PLD2: variants seen among roughly 807,000 people sequenced by gnomAD.
PLD2 encodes phospholipase D2, also known as choline phosphatase 2.
A neutral mutation model predicts 119.8 loss-of-function variants in PLD2; 101 were observed. That is an observed-to-expected ratio of 0.84 (90% CI 0.72 to 0.99). The LOEUF (loss-of-function observed/expected upper bound fraction) is 0.99. Among genes scored for constraint, PLD2 ranks in the 50% least tolerant of loss-of-function variants. PLD2 has a pLI of 0.00. For synonymous variants in PLD2, 494 were observed against 482.8 expected, an observed-to-expected ratio of 1.02 and a Z score of -0.30; for missense variants, 1,164 against 1,226.8, an observed-to-expected ratio of 0.95 and a Z score of 0.76.
chr17:4,817,141 G>A lies in PLD2; in HGVS notation c.1702-5G>A, dbSNP rs757812442. 97 of 1,610,552 alleles carry A rather than the reference G, an allele frequency of 6.0e-5. No homozygotes were observed. In the East Asian group the frequency reaches 9.1e-4, roughly 15 times the overall value. ...CCTGCTGACTCTGCCATCCCTCCAC[G>A]TCAGACCACCAAGGCCAAGTACAAG... On this transcript the variant is annotated splice_region_variant and splice_polypyrimidine_tract_variant and intron_variant, in intron 16 of 24. Coordinates refer to ENST00000263088, the MANE Select transcript of PLD2 (RefSeq NM_002663.5).
In PLD2 at chr17:4,818,117, G is replaced by A. The variant is rs1907221536; in HGVS notation, c.1920+11G>A. On this transcript the variant is annotated intron_variant, in intron 18 of 24. Transcript: ENST00000263088. Reference sequence around the variant, plus strand: ...TTCCTCTACATTGAGGTCTGACTGGGAGGAGGTGGGGGAGAGCATGGAAGG... The same window carrying A: ...TTCCTCTACATTGAGGTCTGACTGGAAGGAGGTGGGGGAGAGCATGGAAGG... 1 of 1,594,984 alleles carries A rather than the reference G, an allele frequency of 6.3e-7. No individual in the cohort carries two copies. Among genetic ancestry groups the A allele is most frequent in the African/African-American group, 1.3e-5 (1 of 74,524 alleles).
Position 4,808,390 on chromosome 17 carries a change from C to G in PLD2, c.357C>G (p.Val119=). Residue 119 remains valine (V), a synonymous_variant, in exon 4 of 25, where the codon GTC becomes GTG. Coordinates refer to ENST00000263088, the MANE Select transcript of PLD2 (RefSeq NM_002663.5). This position sits in a 1 kb window ranked among gnomAD's most constrained non-coding sequence, Gnocchi z 4.1. ...ATCGGGACCTCCTGAGACACAAAGTCTTGATGAGTCTGCTCCCTCTGGCTC... is the reference window on the plus strand; with the variant it reads ...ATCGGGACCTCCTGAGACACAAAGTGTTGATGAGTCTGCTCCCTCTGGCTC... The part of the protein sequence containing the change: ...ELHRDLLRHK[V]LMSLLPLARF... 1 of 1,614,050 alleles carries G rather than the reference C, an allele frequency of 6.2e-7. No individual in the cohort carries two copies. The highest frequency in any genetic ancestry group is 8.5e-7 in the Non-Finnish European group (1 of 1,179,952).
Position 4,823,019 on chromosome 17 carries a change from G to A in PLD2, c.*155G>A, listed in dbSNP as rs919901749. The A allele has an allele frequency of 3.4e-5, 20 of 589,084 alleles. No individual in the cohort carries two copies. Among genetic ancestry groups the A allele is most frequent in the Admixed American group, 2.1e-4 (7 of 33,700 alleles). 36.5% of individuals were successfully genotyped at this position (589,084 alleles called of 1,614,324 possible). ...TAGAGGTGTTACAGAGGACCCTTACGTGAGAAATAGCTGAAAAGGGCACTC... is the reference window on the plus strand; with the variant it reads ...TAGAGGTGTTACAGAGGACCCTTACATGAGAAATAGCTGAAAAGGGCACTC... On this transcript the variant is annotated 3_prime_UTR_variant, in exon 25 of 25. Coordinates refer to ENST00000263088, the MANE Select transcript of PLD2 (RefSeq NM_002663.5).
chr17:4,812,775 C>T (rs1187270653), intron 10 of PLD2, among the ~76,000 whole-genome samples: 1 of 152,090 alleles, frequency 6.6e-6, no homozygotes, highest in Non-Finnish European at 1.5e-5. Context: ...ACTTGCTGAT[C>T]CTCATGGAAC....
chr17:4,819,126 G>A lies in PLD2; in HGVS notation c.2216G>A (p.Arg739His), dbSNP rs373174584. 1.3e-5 allele frequency: 21 copies of A among 1,614,058 alleles called. No homozygotes were observed. The highest frequency in any genetic ancestry group is 5.5e-5 in the South Asian group (5 of 91,092). The change falls in exon 22 of 25, where the codon CGT becomes CAT. Residue 739 changes from arginine (R) to histidine (H), a missense_variant. Transcript: ENST00000263088. This position sits in a 1 kb window ranked among gnomAD's most constrained non-coding sequence, Gnocchi z 4.2. ...GACTATATTTCCATCTGCGGGCTTC[G>A]TACACACGGAGAGCTGGGCGGGCAC... The part of the protein sequence containing the change: ...WRDYISICGL[R>H]THGELGGHPV...
chr17:4,817,825 G>C, intron 17 of PLD2, 177 bp from the exon 18 acceptor site: 2 of 520,596 alleles, frequency 3.8e-6, no homozygotes, highest in Non-Finnish European at 6.9e-6. Context: ...GGGAGTGGTG[G>C]TGCGTACCTG....
chr17:4,819,581 G>C lies in PLD2; in HGVS notation c.2461G>C (p.Gly821Arg), dbSNP rs3764897. Residue 821 changes from glycine to arginine, a missense_variant and splice_region_variant, in exon 23 of 25, where the codon GGT becomes CGT. Coordinates refer to ENST00000263088, the MANE Select transcript of PLD2 (RefSeq NM_002663.5). This position sits in a 1 kb window ranked among gnomAD's most constrained non-coding sequence, Gnocchi z 4.2. The part of the protein sequence containing the change: ...FALSLRKHCF[G>R]VILGANTRPD... ...CTTGAGTCTGCGGAAGCACTGCTTC[G>C]GGTAGAGCTGGGGCGGGATGCCACA... 3.7e-6 allele frequency: 6 copies of C among 1,605,910 alleles called. No homozygotes were observed. The highest frequency in any genetic ancestry group is 1.3e-5 in the African/African-American group (1 of 74,786).
chr17:4,821,694 C>T, intron 23 of PLD2, 99 bp from the exon 24 acceptor site: 1 of 840,226 alleles, frequency 1.2e-6, no homozygotes, highest in South Asian at 1.5e-5. Context: ...CGCACCCAGC[C>T]AATTTTGAAT....
At chr17:4,820,488 G>A (rs1368929957) in intron 23 of PLD2, among the ~76,000 whole-genome samples, 1 of 142,372 alleles carries the variant, frequency 7.0e-6, no homozygotes, top group African/African-American at 2.6e-5. Context: ...GGCTGATCTT[G>A]AACTCCTGAC....
chr17:4,818,020 C>A lies in PLD2; in HGVS notation c.1834C>A (p.Arg612Ser). Residue 612 changes from arginine to serine, a missense_variant, in exon 18 of 25, where the codon CGC (arginine) becomes AGC (serine). Arg to Ser is a moderately radical substitution (Grantham distance 110). Transcript: ENST00000263088. ...TCCCTAGGTCTTGCGATCAGTGGACCGCTGGTCAGCAGGGACTCTGGAGAA... is the reference window on the plus strand; with the variant it reads ...TCCCTAGGTCTTGCGATCAGTGGACAGCTGGTCAGCAGGGACTCTGGAGAA... ...TTVQVLRSVD[R>S]WSAGTLENSI... is the part of the protein sequence containing the mutation. The A allele has an allele frequency of 6.2e-7, 1 of 1,613,102 alleles. No homozygotes were observed. The highest frequency in any genetic ancestry group is 8.5e-7 in the Non-Finnish European group (1 of 1,179,062).
chr17:4,810,096 T>C (rs1906306174), intron 9 of PLD2, 67 bp downstream of exon 9: 16 of 1,529,310 alleles, frequency 1.0e-5, no homozygotes, highest in African/African-American at 1.4e-5. Flanking sequence ...TGCTGGGAGT[T>C]GAGAAAGAGA....
At chr17:4,820,693 C>T (rs529435373) in intron 23 of PLD2, among the ~76,000 whole-genome samples, 2 of 149,308 alleles carry the variant, frequency 1.3e-5, no homozygotes, top group African/African-American at 4.9e-5. Context: ...TCTCCTGCCT[C>T]AGCCTCCCGA....
Position 4,807,757 on chromosome 17 carries a change from TC to T in PLD2, c.-1-12del, listed in dbSNP as rs748719865. On this transcript the variant is annotated splice_polypyrimidine_tract_variant and intron_variant, in intron 1 of 24. Coordinates refer to ENST00000263088, the MANE Select transcript of PLD2 (RefSeq NM_002663.5). The surrounding 1 kb of genome is among the most constrained non-coding windows in gnomAD (Gnocchi z 5.4). ...CAGGACAGCTCGCCTCCCTGAGGCT[TC>T]CCAATGTTCCTAGGATGACGGCGAC... The T allele has an allele frequency of 4.7e-6, 7 of 1,493,842 alleles. No homozygotes were observed. In the African/African-American group the frequency reaches 9.7e-5, roughly 21 times the overall value. 92.5% of individuals were successfully genotyped at this position (1,493,842 alleles called of 1,614,324 possible).
At chr17:4,809,426 CA>C (rs1906206610) in intron 6 of PLD2, 63 bp downstream of exon 6, 1 of 1,612,020 alleles carries the variant, frequency 6.2e-7, no homozygotes, top group African/African-American at 1.3e-5. Flanking sequence ...GGAGGAGGGC[CA>C]GGGGCCCCAG....
chr17:4,818,476 A>G lies in PLD2; in HGVS notation c.2010-18A>G, dbSNP rs1747065501. ...GTTTGAGGGACCAGTCGCACCTCTGACTCCACCCCCTCCCCAGACAGGGGT... is the reference window on the plus strand; with the variant it reads ...GTTTGAGGGACCAGTCGCACCTCTGGCTCCACCCCCTCCCCAGACAGGGGT... On this transcript the variant is annotated intron_variant, in intron 19 of 24. Coordinates refer to ENST00000263088, the MANE Select transcript of PLD2 (RefSeq NM_002663.5). 3 of 1,605,420 alleles carry G rather than the reference A, an allele frequency of 1.9e-6. No individual in the cohort carries two copies. Among genetic ancestry groups the G allele is most frequent in the African/African-American group, 1.4e-5 (1 of 74,048 alleles).
intron 12 of PLD2, 89 bp from the exon 13 acceptor site, chr17:4,815,387 G>A: frequency 5.0e-6 from 4 of 801,882 alleles, no homozygotes; most frequent in East Asian, 2.4e-5. Context: ...CAGACAAGCT[G>A]GAGGGACACA....
chr17:4,813,005 T>C (rs1906629881), intron 10 of PLD2, among the ~76,000 whole-genome samples: 2 of 152,044 alleles, frequency 1.3e-5, no homozygotes, highest in Non-Finnish European at 2.9e-5. Flanking sequence ...TCGTTTGTTT[T>C]GTTTTGGTTT....
In PLD2 at chr17:4,819,381, G is replaced by C. The variant is rs755784764; in HGVS notation, c.2309-48G>C. 6.2e-7 allele frequency: 1 copy of C among 1,609,344 alleles called. No individual in the cohort carries two copies. The highest frequency in any genetic ancestry group is 8.5e-7 in the Non-Finnish European group (1 of 1,177,674). ...TTGGTAGAGGGGATGGGGTACTGGG[G>C]AGAGTGCCCTGGGCCCAAGCACACA... On this transcript the variant is annotated intron_variant, in intron 22 of 24. Transcript: ENST00000263088. This position sits in a 1 kb window ranked among gnomAD's most constrained non-coding sequence, Gnocchi z 4.2.
In PLD2 at chr17:4,819,530, G is replaced by T. The variant is rs11545163; in HGVS notation, c.2410G>T (p.Ala804Ser). ...GACGGAACCATCCCTCATGAATGGG[G>T]CAGAGTATCAGGCGGGCAGGTTTGC... ...TETEPSLMNG[A>S]EYQAGRFALS... The change falls in exon 23 of 25, where the codon GCA becomes TCA. Residue 804 changes from alanine (A) to serine (S), a missense_variant. Coordinates refer to ENST00000263088, the MANE Select transcript of PLD2 (RefSeq NM_002663.5). The surrounding 1 kb of genome is among the most constrained non-coding windows in gnomAD (Gnocchi z 4.2). The T allele has an allele frequency of 6.2e-7, 1 of 1,613,962 alleles. No homozygotes were observed. The highest frequency in any genetic ancestry group is 8.5e-7 in the Non-Finnish European group (1 of 1,179,960).
Sources: allele counts gnomAD v4.1 joint callset (sites outside exome capture counted in the v4.1 genomes callset), GRCh38; gene constraint gnomAD v4.1.1; non-coding constraint Gnocchi (gnomAD v3.1); transcripts MANE v1.5; gene names NCBI Gene and HGNC (gene_info 2026-07-23, HGNC 2026-07-21).